SEMA3D: variants seen among roughly 807,000 people sequenced by gnomAD.
The protein encoded by SEMA3D is semaphorin-3D.
In SEMA3D, 84 loss-of-function variants were observed where a neutral mutation model predicts 100.1. The ratio of observed to expected loss-of-function variants is 0.84; its 90% CI spans 0.70 to 1.01. The LOEUF is 1.01. Ranked by LOEUF, SEMA3D falls within the 50% of genes least tolerant of loss-of-function variation. SEMA3D has a pLI of 0.00. For synonymous variants in SEMA3D, 312 were observed against 320.7 expected (o/e 0.97, Z 0.29); for missense variants, 875 against 934.1 (o/e 0.94, Z 0.82).
chr7:85,239,426 T>G, the SEMA3D span, among the ~76,000 whole-genome samples: 3 of 152,236 alleles, frequency 2.0e-5, no homozygotes, highest in Non-Finnish European at 2.9e-5. Context: ...ATGCTAGACC[T>G]GCTGGTGCTT....
intron 17 of SEMA3D, among the ~76,000 whole-genome samples, chr7:85,007,258 A>G (rs1362306648): frequency 6.6e-6 from 1 of 151,838 alleles, no homozygotes; most frequent in Non-Finnish European, 1.5e-5. Context: ...AATCTTTTGC[A>G]TCTTTTAGTG....
intron 12 of SEMA3D, chr7:85,028,377 G>C: frequency 3.5e-6 from 1 of 287,526 alleles, no homozygotes. Context: ...ATTGCTTACA[G>C]TTTAGACAAA....
chr7:85,209,085 T>C, the SEMA3D span, among the ~76,000 whole-genome samples: 1 of 151,922 alleles, frequency 6.6e-6, no homozygotes, highest in Non-Finnish European at 1.5e-5. Flanking sequence ...ATATGTTAAT[T>C]AAAATCAGTT....
chr7:85,156,837 T>C (rs1044208835), intron 1 of SEMA3D, among the ~76,000 whole-genome samples: 4 of 152,192 alleles, frequency 2.6e-5, no homozygotes, highest in East Asian at 1.9e-4. Flanking sequence ...AAAATAGTTA[T>C]ATCATGCAAA....
intron 18 of SEMA3D, among the ~76,000 whole-genome samples, chr7:85,003,308 A>C (rs1436441132): frequency 1.3e-5 from 2 of 152,084 alleles, no homozygotes; most frequent in Admixed American, 6.6e-5. Flanking sequence ...AACTTACTAA[A>C]GGGGATGCTG....
chr7:85,069,350 A>T (rs1271133199), intron 6 of SEMA3D, among the ~76,000 whole-genome samples: 1 of 152,176 alleles, frequency 6.6e-6, no homozygotes, highest in Admixed American at 6.5e-5. Flanking sequence ...CACTAATAGC[A>T]ATTTAAATAG....
intron 5 of SEMA3D, among the ~76,000 whole-genome samples, chr7:85,073,648 T>A (rs1280573899): frequency 2.6e-5 from 4 of 152,220 alleles, no homozygotes; most frequent in Non-Finnish European, 5.9e-5. Flanking sequence ...CTGTTTGCAA[T>A]GTCATCTGTC....
At chr7:85,122,181 C>A (rs1315984197) in intron 2 of SEMA3D, among the ~76,000 whole-genome samples, 2 of 151,382 alleles carry the variant, frequency 1.3e-5, no homozygotes, top group Non-Finnish European at 2.9e-5. Context: ...CACGTGTACA[C>A]CTATGTAAGA....
At chr7:85,050,120 C>CACACAG (rs3220727) in intron 9 of SEMA3D, among the ~76,000 whole-genome samples, 2 of 139,822 alleles carry the variant, frequency 1.4e-5, no homozygotes, top group African/African-American at 5.4e-5. Flanking sequence ...CACACACACA[C>CACACAG]AGAGACAGAG....
Position 85,151,022 on chromosome 7 carries a change from CA to C in SEMA3D, c.-41+2585del, listed in dbSNP as rs1418543140. ...CTTAACCTATTTAAAAGCTTAATATCACCTGAAAGTTTCTCAAATACTAAGC... is the reference window on the plus strand; with the variant it reads ...CTTAACCTATTTAAAAGCTTAATATCCCTGAAAGTTTCTCAAATACTAAGC... On this transcript the variant is annotated intron_variant, in intron 2 of 18. Coordinates refer to ENST00000284136, the MANE Select transcript of SEMA3D (RefSeq NM_001384900.1). Among the ~76,000 whole-genome samples the C allele has an allele frequency of 2.0e-5, 3 of 151,886 alleles. No homozygotes were observed. The East Asian group carries it at 5.8e-4, about 29-fold the overall frequency.
the SEMA3D span, among the ~76,000 whole-genome samples, chr7:85,192,557 C>A: frequency 2.6e-5 from 4 of 152,044 alleles, no homozygotes; most frequent in African/African-American, 9.7e-5. Context: ...AGAATAAATG[C>A]AACTTCTCAA....
intron 5 of SEMA3D, 133 bp downstream of exon 5, chr7:85,081,384 T>C (rs1309102956): frequency 1.1e-5 from 6 of 553,238 alleles, no homozygotes; most frequent in African/African-American, 1.9e-5. Flanking sequence ...CACATTAATA[T>C]TCACATAGAA....
the SEMA3D span, among the ~76,000 whole-genome samples, chr7:85,237,653 AT>A: frequency 1.3e-5 from 2 of 152,108 alleles, no homozygotes; most frequent in Non-Finnish European, 2.9e-5. Flanking sequence ...CTATTGCCTG[AT>A]GTACCCCAAT....
intron 2 of SEMA3D, among the ~76,000 whole-genome samples, chr7:85,146,790 G>GA: frequency 6.6e-6 from 1 of 152,122 alleles, no homozygotes; most frequent in Admixed American, 6.5e-5. Context: ...TGATGACAAA[G>GA]CAGAAGACTC....
the SEMA3D span, among the ~76,000 whole-genome samples, chr7:85,236,281 T>TTTAA: frequency 0.013 from 1,658 of 132,008 alleles, 17 homozygotes; most frequent in Middle Eastern, 0.022. Flanking sequence ...TTTTATTTTA[T>TTTAA]TTTATTTATT....
intron 2 of SEMA3D, among the ~76,000 whole-genome samples, chr7:85,153,403 T>G (rs559484276): frequency 6.6e-6 from 1 of 152,268 alleles, no homozygotes; most frequent in East Asian, 1.9e-4. Flanking sequence ...TAACATTGTA[T>G]GTAGTATGGA....
intron 12 of SEMA3D, among the ~76,000 whole-genome samples, chr7:85,024,688 A>T (rs1030805437): frequency 2.0e-5 from 3 of 151,976 alleles, no homozygotes; most frequent in Admixed American, 6.6e-5. Flanking sequence ...TTTGGACAAG[A>T]TCTTTATCCT....
At chr7:85,022,986 C>T (rs1790298011) in intron 12 of SEMA3D, among the ~76,000 whole-genome samples, 2 of 151,726 alleles carry the variant, frequency 1.3e-5, no homozygotes, top group South Asian at 4.2e-4. Flanking sequence ...TTTTCAATTT[C>T]CTTTGAGTAA....
the SEMA3D span, among the ~76,000 whole-genome samples, chr7:85,201,136 G>A: frequency 6.6e-6 from 1 of 152,062 alleles, no homozygotes; most frequent in Non-Finnish European, 1.5e-5. Context: ...CTTCATTTCA[G>A]GGGAGGAAAA....
Sources: gnomAD v4.1 joint callset for allele counts (sites outside exome capture counted in the v4.1 genomes callset) on GRCh38, gnomAD v4.1.1 for gene constraint, MANE v1.5 for transcripts, NCBI Gene and HGNC (gene_info 2026-07-23, HGNC 2026-07-21) for gene names.